The following NFATC1 variants were observed in gnomAD, a reference collection of about 807,000 sequenced individuals.
NFATC1 encodes the protein nuclear factor of activated T cells 1.
NFATC1 carries 22 observed loss-of-function variants against 76.0 expected under a neutral mutation model. The observed-to-expected ratio is 0.29, with a 90% CI of 0.21 to 0.41. NFATC1 has a LOEUF of 0.41. Among genes scored for constraint, NFATC1 ranks in the 10% least tolerant of loss-of-function variants. The pLI is 1.00. For synonymous variants in NFATC1, 704 were observed against 613.1 expected (o/e 1.15, Z -2.19); for missense variants, 1,357 against 1,337.7 (o/e 1.01, Z -0.23).
rs778633389 is a variant in NFATC1 at position 79,461,304 on chromosome 18, C to T, written c.1904-7C>T. Reference sequence around the variant, plus strand: ...AGTCACAGACGTTTCCTGCTCCTTTCTTCCAGATGGCCACCATGTCTGGGA... The same window carrying T: ...AGTCACAGACGTTTCCTGCTCCTTTTTTCCAGATGGCCACCATGTCTGGGA... On this transcript the variant is annotated splice_region_variant and splice_polypyrimidine_tract_variant and intron_variant, in intron 6 of 9. Transcript: ENST00000427363. 6.2e-7 allele frequency: 1 copy of T among 1,614,120 alleles called. No individual in the cohort carries two copies. The highest frequency in any genetic ancestry group is 1.7e-5 in the Admixed American group (1 of 60,028).
In NFATC1 at chr18:79,524,897, C is replaced by T. The variant is rs554697065; in HGVS notation, c.2783-2631C>T. 4.6e-5 allele frequency among the ~76,000 whole-genome samples: 7 copies of T among 152,124 alleles called. No individual in the cohort carries two copies. Among genetic ancestry groups the T allele is most frequent in the East Asian group, 1.9e-4 (1 of 5,150 alleles). On this transcript the variant is annotated intron_variant, in intron 9 of 9. Coordinates refer to ENST00000427363, the MANE Select transcript of NFATC1 (RefSeq NM_001278669.2). The surrounding 1 kb of genome is among the most constrained non-coding windows in gnomAD (Gnocchi z 7.2). ...TGCCCGCGGGGAACAAGACGGCTCTCGGCGGCCATGCAGGCGGCCTGTCCC... is the reference window on the plus strand; with the variant it reads ...TGCCCGCGGGGAACAAGACGGCTCTTGGCGGCCATGCAGGCGGCCTGTCCC...
At chr18:79,432,970 G>C (rs138834622) in intron 2 of NFATC1, among the ~76,000 whole-genome samples, 2 of 152,276 alleles carry the variant, frequency 1.3e-5, no homozygotes, top group African/African-American at 2.4e-5. Context: ...CAAAGTAACC[G>C]AACAGCCTCC....
At chr18:79,474,316 G>A (rs1441746550) in intron 8 of NFATC1, among the ~76,000 whole-genome samples, 3 of 145,960 alleles carry the variant, frequency 2.1e-5, no homozygotes, top group African/African-American at 7.8e-5. Flanking sequence ...GTAAACCTGA[G>A]GGAAGCGTGT....
chr18:79,450,397 G>A (rs1045630087), intron 4 of NFATC1, among the ~76,000 whole-genome samples: 4 of 148,220 alleles, frequency 2.7e-5, no homozygotes, highest in Non-Finnish European at 1.5e-5. Flanking sequence ...TTCTAATTAT[G>A]ATTTATTATA....
rs1376237622 is a variant in NFATC1, at chr18:79,527,592, C to T, written c.*15C>T. 5.6e-6 allele frequency: 9 copies of T among 1,612,100 alleles called. No individual in the cohort carries two copies. Among genetic ancestry groups the T allele is most frequent in the Middle Eastern group, 1.6e-4 (1 of 6,080 alleles). On this transcript the variant is annotated 3_prime_UTR_variant, in exon 10 of 10. Transcript: ENST00000427363. ...CCCACTCCTAGTTGCCACATTGGAGCACTCAGTTCAGCAGGGGTATGCTGA... is the reference window on the plus strand; with the variant it reads ...CCCACTCCTAGTTGCCACATTGGAGTACTCAGTTCAGCAGGGGTATGCTGA...
chr18:79,410,095 G>C lies in NFATC1; in HGVS notation c.128-308G>C, dbSNP rs1431928394. 3 of 704,334 alleles carry C rather than the reference G, an allele frequency of 4.3e-6. No homozygotes were observed. The highest frequency in any genetic ancestry group is 2.6e-6 in the Non-Finnish European group (1 of 378,812). 43.6% of individuals were successfully genotyped at this position (704,334 alleles called of 1,614,324 possible). A position where few individuals can be genotyped will look rare whatever the true frequency, so the allele number is the denominator to read the frequency against. On this transcript the variant is annotated intron_variant, in intron 1 of 9. Coordinates refer to ENST00000427363, the MANE Select transcript of NFATC1 (RefSeq NM_001278669.2). The surrounding 1 kb of genome is among the most constrained non-coding windows in gnomAD (Gnocchi z 6.7). ...GGGGAAGGTGGTTTTTGAATGAAGA[G>C]CGGAACCCGTGAGGACCCGGCCGCC...
intron 3 of NFATC1, among the ~76,000 whole-genome samples, chr18:79,440,714 G>A (rs1158819995): frequency 6.6e-6 from 1 of 152,260 alleles, no homozygotes; most frequent in Non-Finnish European, 1.5e-5. Flanking sequence ...CATTTCTGAA[G>A]CCTCCCAGGT....
chr18:79,422,448 GA>G (rs2086127525), intron 2 of NFATC1: 1 of 150,398 alleles, frequency 6.6e-6, no homozygotes, highest in Non-Finnish European at 1.5e-5. Flanking sequence ...TGAACTTGGG[GA>G]TGAGTGGGTG....
Position 79,450,789 on chromosome 18 carries a change from G to A in NFATC1, c.1590-165G>A, listed in dbSNP as rs1270961682. ...CTCCTGCACTAGGCAAGGGCCTCAC[G>A]TCGCTGGCTTCAAGGTCTTGTTTTC... On this transcript the variant is annotated intron_variant, in intron 4 of 9. Coordinates refer to ENST00000427363, the MANE Select transcript of NFATC1 (RefSeq NM_001278669.2). 3.9e-5 allele frequency among the ~76,000 whole-genome samples: 6 copies of A among 152,358 alleles called. No individual in the cohort carries two copies. The East Asian group carries it at 5.8e-4, about 15-fold the overall frequency.
chr18:79,411,895 C>T (rs571030301), intron 2 of NFATC1, among the ~76,000 whole-genome samples: 6 of 152,320 alleles, frequency 3.9e-5, no homozygotes, highest in South Asian at 2.1e-4. Flanking sequence ...GGCTCACACA[C>T]GCGCAGTTTC....
intron 2 of NFATC1, among the ~76,000 whole-genome samples, chr18:79,413,704 C>T (rs769596952): frequency 2.0e-5 from 3 of 152,234 alleles, no homozygotes; most frequent in Non-Finnish European, 2.9e-5. Flanking sequence ...CCTTTGAAAG[C>T]GCAAGCTCGT....
chr18:79,450,078 G>A (rs1306191911), intron 4 of NFATC1, among the ~76,000 whole-genome samples: 1 of 152,180 alleles, frequency 6.6e-6, no homozygotes, highest in Non-Finnish European at 1.5e-5. Flanking sequence ...CTTCGCTGGC[G>A]GCTGCGTTCA....
intron 9 of NFATC1, among the ~76,000 whole-genome samples, chr18:79,518,436 C>T (rs767639075): frequency 3.3e-5 from 5 of 152,184 alleles, no homozygotes; most frequent in East Asian, 1.9e-4. Flanking sequence ...CAGCATGTTT[C>T]GCGCTGCCTG....
chr18:79,493,236 C>T (rs530128514), intron 9 of NFATC1, among the ~76,000 whole-genome samples: 3 of 152,370 alleles, frequency 2.0e-5, no homozygotes, highest in East Asian at 3.9e-4. Flanking sequence ...GGGGCGGACT[C>T]GCGGTGGATT....
intron 8 of NFATC1, among the ~76,000 whole-genome samples, chr18:79,471,597 C>G (rs1180550803): frequency 6.6e-6 from 1 of 152,188 alleles, no homozygotes; most frequent in Non-Finnish European, 1.5e-5. Context: ...AAGCTGCTCC[C>G]GGCCCTAGGT....
In NFATC1 at chr18:79,518,571, G is replaced by A. The variant is rs900900337; in HGVS notation, c.2783-8957G>A. On this transcript the variant is annotated intron_variant, in intron 9 of 9. Transcript: ENST00000427363. ...TCCTTGACAAGTGTTTTGTCACATC[G>A]TTCAGCCATATAGAAAACAGACTTG... 5.9e-5 allele frequency among the ~76,000 whole-genome samples: 9 copies of A among 152,290 alleles called. 1 individual carries two copies. The highest frequency in any genetic ancestry group is 4.1e-4 in the South Asian group (2 of 4,824).
In NFATC1 at chr18:79,486,460, C is replaced by T. The variant is rs1351624035; in HGVS notation, c.2305C>T (p.His769Tyr). 6.2e-7 allele frequency: 1 copy of T among 1,610,776 alleles called. No homozygotes were observed. Among genetic ancestry groups the T allele is most frequent in the South Asian group, 1.1e-5 (1 of 91,074 alleles). Residue 769 changes from histidine (H) to tyrosine (Y), a missense_variant, in exon 9 of 10, where the codon CAC (histidine) becomes TAC (tyrosine). Physicochemically the swap from His to Tyr is moderately conservative, Grantham distance 83. This residue lies in a region of NFATC1 where 424 missense variants were observed against 395.4 expected (regional missense o/e 1.07). Coordinates refer to ENST00000427363, the MANE Select transcript of NFATC1 (RefSeq NM_001278669.2). Reference protein sequence around the residue: ...PAAPGVSPKLHDLSPAAYTKG... With the variant: ...PAAPGVSPKLYDLSPAAYTKG... ...GGCCCCTGGCGTGAGCCCCAAGCTC[C>T]ACGACCTTTCTCCCGCTGCCTACAC...
intron 1 of NFATC1, among the ~76,000 whole-genome samples, chr18:79,399,120 A>G (rs1160167452): frequency 6.6e-6 from 1 of 152,254 alleles, no homozygotes; most frequent in African/African-American, 2.4e-5. Context: ...TGGCTTCTCA[A>G]CAGAAAACAG....
At chr18:79,409,274 A>G (rs1337480526) in intron 1 of NFATC1, among the ~76,000 whole-genome samples, 3 of 109,874 alleles carry the variant, frequency 2.7e-5, no homozygotes, top group East Asian at 9.6e-4. Flanking sequence ...TCCATCTATC[A>G]TCCATCCATC....
Sources: allele counts gnomAD v4.1 joint callset (sites outside exome capture counted in the v4.1 genomes callset), GRCh38; gene constraint gnomAD v4.1.1; regional missense constraint gnomAD v4.1.1; non-coding constraint Gnocchi (gnomAD v3.1); transcripts MANE v1.5; gene names NCBI Gene and HGNC (gene_info 2026-07-23, HGNC 2026-07-21).